The following KLHL22 variants were observed in gnomAD, a reference collection of about 807,000 sequenced individuals.
The protein encoded by KLHL22 is kelch like family member 22, also known as kelch-like protein 22.
In KLHL22, 18 loss-of-function variants were observed where a neutral mutation model predicts 60.7. The ratio of observed to expected loss-of-function variants is 0.30; its 90% CI spans 0.20 to 0.44. The LOEUF is 0.44. KLHL22 is among the 20% of genes least tolerant of loss of function. The pLI, the probability that KLHL22 is intolerant of heterozygous loss-of-function variation, is 1.00. For missense variants in KLHL22, 596 were observed against 852.3 expected (o/e 0.70, Z 3.74); for synonymous variants, 355 against 354.5 (o/e 1.00, Z -0.01).
At chr22:20,451,623 T>C (rs1464423868) in intron 5 of KLHL22, 24 of 1,603,976 alleles carry the variant, frequency 1.5e-5, no homozygotes, top group Non-Finnish European at 1.9e-5. Flanking sequence ...CCCGGACAAC[T>C]GCCACCAGTA....
rs2052765484 is a variant in KLHL22 at position 20,441,994 on chromosome 22, G to A, written c.*79C>T. 2 of 1,405,056 alleles carry A rather than the reference G, an allele frequency of 1.4e-6. No individual in the cohort carries two copies. The highest frequency in any genetic ancestry group is 2.7e-5 in the Admixed American group (1 of 37,134). The allele number at this position is 1,405,056 out of a possible 1,614,324, so 87.0% of individuals were successfully genotyped here. A position where few individuals can be genotyped will look rare whatever the true frequency, so the allele number is the denominator to read the frequency against. On this transcript the variant is annotated 3_prime_UTR_variant, in exon 7 of 7. Coordinates refer to ENST00000328879, the MANE Select transcript of KLHL22 (RefSeq NM_032775.4). ...GGGCAGGGGCCCTGCCTGGAGTAAA[G>A]TGCTCTGGCCTAGGCTGCGTGGGTT...
intron 4 of KLHL22, among the ~76,000 whole-genome samples, chr22:20,459,194 T>C (rs1251483928): frequency 4.6e-5 from 7 of 152,218 alleles, no homozygotes; most frequent in African/African-American, 1.7e-4. Flanking sequence ...GAAGACCTAT[T>C]CCAAAGAGAA....
In KLHL22 at chr22:20,453,401, GAT is replaced by G. The variant is rs148236228; in HGVS notation, c.1305+4405_1305+4406del. The stretch of plus-strand genomic sequence containing the variant: ...ATTGCTCCAGTACTATTTGCTGAAA[GAT>G]ATCTTTCCTCCACTCAATTGTTTCT... On this transcript the variant is annotated intron_variant, in intron 5 of 6. Transcript: ENST00000328879. 1.3e-4 allele frequency among the ~76,000 whole-genome samples: 20 copies of G among 152,212 alleles called. No individual in the cohort carries two copies. In the East Asian group the frequency reaches 3.3e-3, roughly 25 times the overall value.
intron 3 of KLHL22, among the ~76,000 whole-genome samples, chr22:20,466,138 G>A (rs192788386): frequency 5.6e-4 from 85 of 152,148 alleles, no homozygotes; most frequent in African/African-American, 2.0e-3. Context: ...CACTTTGGGA[G>A]GACAAGGTGG....
At chr22:20,444,195 C>G (rs1160688177) in intron 6 of KLHL22, among the ~76,000 whole-genome samples, 9 of 152,062 alleles carry the variant, frequency 5.9e-5, no homozygotes, top group African/African-American at 2.2e-4. Flanking sequence ...GCCAAGAAGG[C>G]CCTCAACTGA....
rs561609572 is a variant in KLHL22, at chr22:20,455,834, C to T, written c.1305+1974G>A. Among the ~76,000 whole-genome samples, 5 of 152,284 alleles carry T rather than the reference C, an allele frequency of 3.3e-5. No individual in the cohort carries two copies. The East Asian group carries it at 5.8e-4, about 18-fold the overall frequency. On this transcript the variant is annotated intron_variant, in intron 5 of 6. Coordinates refer to ENST00000328879, the MANE Select transcript of KLHL22 (RefSeq NM_032775.4). ...GTGCATGCGCTGCTAGAAGACCACC[C>T]AAACAAAACATGCTTATGAGTAACA... is the stretch of plus-strand genomic sequence containing the variant.
rs772065131 is a variant in KLHL22 at position 20,465,480 on chromosome 22, A to G, written c.490T>C (p.Leu164=). 1.5e-5 allele frequency: 25 copies of G among 1,613,078 alleles called. No individual in the cohort carries two copies. The highest frequency in any genetic ancestry group is 1.9e-5 in the Non-Finnish European group (22 of 1,179,026). Reference sequence around the variant, plus strand: ...TCCAGTTGCTCAGTCAGGCGGCTCAAGTCAAACAGCTCTGCCAGCCGGTAG... The same window carrying G: ...TCCAGTTGCTCAGTCAGGCGGCTCAGGTCAAACAGCTCTGCCAGCCGGTAG... ...DVYRLAELFD[L]SRLTEQLDTY... The change falls in exon 4 of 7, where the codon TTG becomes CTG. Residue 164 remains leucine (L), a synonymous_variant. Coordinates refer to ENST00000328879, the MANE Select transcript of KLHL22 (RefSeq NM_032775.4). This position sits in a 1 kb window ranked among gnomAD's most constrained non-coding sequence, Gnocchi z 4.9.
At chr22:20,458,251 C>G (rs2146200206) in intron 4 of KLHL22, among the ~76,000 whole-genome samples, 1 of 151,066 alleles carries the variant, frequency 6.6e-6, no homozygotes, top group South Asian at 2.1e-4. Context: ...ACCTAACTGT[C>G]CACCTGGGCT....
At chr22:20,494,256 G>A (rs900913501) in intron 1 of KLHL22, among the ~76,000 whole-genome samples, 1 of 152,134 alleles carries the variant, frequency 6.6e-6, no homozygotes, top group Admixed American at 6.6e-5. Context: ...CTGTAGTCCT[G>A]GCTATCTGGG....
chr22:20,449,546 G>A lies in KLHL22; in HGVS notation c.1306-2870C>T, dbSNP rs527551131. On this transcript the variant is annotated intron_variant, in intron 5 of 6. Transcript: ENST00000328879. The stretch of plus-strand genomic sequence containing the variant: ...CTCCCAAGTAGCTGGGATTACAGGC[G>A]TGTGCCACCGCGCCCAACTAATTTT... Among the ~76,000 whole-genome samples, 443 of 152,024 alleles carry A rather than the reference G, an allele frequency of 2.9e-3. 1 individual carries two copies. Among genetic ancestry groups the A allele is most frequent in the African/African-American group, 0.01 (420 of 41,466 alleles).
At chr22:20,489,319 T>G in intron 1 of KLHL22, 75 bp from the exon 2 acceptor site, 1 of 1,078,694 alleles carries the variant, frequency 9.3e-7, no homozygotes, top group Non-Finnish European at 1.4e-6. Flanking sequence ...TGGCCAGCTC[T>G]GTTGCTCCCC....
intron 3 of KLHL22, among the ~76,000 whole-genome samples, chr22:20,469,925 C>G (rs535155681): frequency 1.1e-4 from 16 of 152,212 alleles, no homozygotes; most frequent in South Asian, 1.0e-3. Context: ...CTCAAAGGCA[C>G]CTGCAGGCCC....
intron 5 of KLHL22, among the ~76,000 whole-genome samples, chr22:20,448,600 T>C (rs2052919022): frequency 6.6e-6 from 1 of 152,254 alleles, no homozygotes; most frequent in Admixed American, 6.5e-5. Context: ...GGTCTTGGTC[T>C]ATTGCCCATG....
intron 5 of KLHL22, among the ~76,000 whole-genome samples, chr22:20,455,456 A>G (rs1490732547): frequency 6.6e-6 from 1 of 152,126 alleles, no homozygotes; most frequent in African/African-American, 2.4e-5. Context: ...CCTGCCCTGG[A>G]AGGTCCTTCT....
chr22:20,443,516 T>A (rs555159930), intron 6 of KLHL22, among the ~76,000 whole-genome samples: 1 of 148,718 alleles, frequency 6.7e-6, no homozygotes, highest in Non-Finnish European at 1.5e-5. Context: ...CAAGGCGGGC[T>A]GATCACAAGG....
intron 1 of KLHL22, among the ~76,000 whole-genome samples, chr22:20,492,970 G>A (rs972920658): frequency 6.6e-6 from 1 of 152,114 alleles, no homozygotes; most frequent in Non-Finnish European, 1.5e-5. Flanking sequence ...CATCTCAAAA[G>A]CCCCCATGGC....
intron 2 of KLHL22, among the ~76,000 whole-genome samples, chr22:20,484,855 G>A (rs1400920433): frequency 6.6e-6 from 1 of 150,896 alleles, no homozygotes; most frequent in Non-Finnish European, 1.5e-5. Context: ...TCCCTCCTCA[G>A]CCTCCCAAGT....
At chr22:20,466,179 G>T (rs762299207) in intron 3 of KLHL22, among the ~76,000 whole-genome samples, 3 of 151,972 alleles carry the variant, frequency 2.0e-5, no homozygotes, top group Non-Finnish European at 4.4e-5. Context: ...TTTGAGACCA[G>T]CCTGACCAAC....
intron 4 of KLHL22, among the ~76,000 whole-genome samples, chr22:20,462,291 A>AT (rs1425883006): frequency 1.3e-5 from 2 of 151,542 alleles, no homozygotes; most frequent in Non-Finnish European, 2.9e-5. Flanking sequence ...AAAAAAAAAA[A>AT]AAAATTAAAT....
Sources: gnomAD v4.1 joint callset for allele counts (sites outside exome capture counted in the v4.1 genomes callset) on GRCh38, gnomAD v4.1.1 for gene constraint, Gnocchi (gnomAD v3.1) non-coding constraint, MANE v1.5 for transcripts, NCBI Gene and HGNC (gene_info 2026-07-23, HGNC 2026-07-21) for gene names.